Variants in METTL5 observed in about 807,000 individuals in gnomAD.
The protein encoded by METTL5 is rRNA N(6)-adenosine-methyltransferase METTL5.
Under a neutral mutation model 26.5 loss-of-function variants are expected in METTL5, and 28 were observed. That is an observed-to-expected ratio of 1.06 (90% CI 0.78 to 1.45). The LOEUF is 1.45. METTL5 is among the 40% of genes most tolerant of loss of function. METTL5 has a pLI of 0.00. For missense variants in METTL5, 231 were observed against 249.9 expected (o/e 0.92, Z 0.51); for synonymous variants, 86 against 82.6 (o/e 1.04, Z -0.22).
chr2:169,818,630 T>TTA (rs2081542186), intron 4 of METTL5, among the ~76,000 whole-genome samples: 1 of 152,264 alleles, frequency 6.6e-6, no homozygotes, highest in Non-Finnish European at 1.5e-5. Flanking sequence ...TTTTAAAAGG[T>TTA]TATCACATTA....
At chr2:169,820,606 A>G (rs1481154040) in intron 3 of METTL5, among the ~76,000 whole-genome samples, 1 of 152,258 alleles carries the variant, frequency 6.6e-6, no homozygotes, top group Non-Finnish European at 1.5e-5. Flanking sequence ...AACTATACAA[A>G]TAAGAGATTG....
chr2:169,814,774 A>G (rs916171662), intron 5 of METTL5, among the ~76,000 whole-genome samples: 2 of 151,824 alleles, frequency 1.3e-5, no homozygotes, highest in Admixed American at 1.3e-4. Flanking sequence ...ACGGGGTTTC[A>G]CCATGTTAGC....
intron 4 of METTL5, among the ~76,000 whole-genome samples, chr2:169,818,001 G>T (rs1400637663): frequency 4.6e-5 from 7 of 152,162 alleles, no homozygotes; most frequent in Non-Finnish European, 1.0e-4. Flanking sequence ...GCTTAGTTTG[G>T]CCCTTGTCTG....
chr2:169,824,453 G>A (rs374750455), intron 1 of METTL5, 36 bp downstream of exon 1: 3 of 1,460,190 alleles, frequency 2.1e-6, no homozygotes, highest in Non-Finnish European at 2.9e-6. Context: ...CTGGACTAAC[G>A]CCGAAAGCCG....
At chr2:169,824,437 A>T in intron 1 of METTL5, 52 bp downstream of exon 1, 1 of 1,292,840 alleles carries the variant, frequency 7.7e-7, no homozygotes, top group Non-Finnish European at 1.1e-6. Flanking sequence ...TTTATCACAG[A>T]GTAGACTGGA....
rs1464464993 is a variant in METTL5 at position 169,824,651 on chromosome 2, A to C, written c.-54T>G. 1.5e-6 allele frequency: 2 copies of C among 1,364,840 alleles called. No individual in the cohort carries two copies. Among genetic ancestry groups the C allele is most frequent in the African/African-American group, 1.4e-5 (1 of 69,828 alleles). 84.5% of individuals were successfully genotyped at this position (1,364,840 alleles called of 1,614,324 possible). ...TTGAAGGCACAGGATCTGCGGAGAAATCTATTGAACTGGGATCTTGTTTCC... is the reference window on the plus strand; with the variant it reads ...TTGAAGGCACAGGATCTGCGGAGAACTCTATTGAACTGGGATCTTGTTTCC... On this transcript the variant is annotated 5_prime_UTR_variant, in exon 1 of 7. Transcript: ENST00000260953.
chr2:169,824,256 G>A (rs1447888994), intron 1 of METTL5: 3 of 428,262 alleles, frequency 7.0e-6, no homozygotes, highest in East Asian at 7.4e-5. Flanking sequence ...TTAAAAAGAT[G>A]TCTGGCAGTG....
rs764960826 is a variant in METTL5, at chr2:169,815,538, A to C, written c.490-10T>G. 1.9e-6 allele frequency: 3 copies of C among 1,581,398 alleles called. No individual in the cohort carries two copies. The highest frequency in any genetic ancestry group is 3.4e-5 in the Admixed American group (2 of 58,154). ...CTTTCTTTTGAACATGCTGAACATA[A>C]ATAATATGTTGTTATGAGCTGATTT... On this transcript the variant is annotated splice_polypyrimidine_tract_variant and intron_variant, in intron 4 of 6. Coordinates refer to ENST00000260953, the MANE Select transcript of METTL5 (RefSeq NM_014168.4).
intron 3 of METTL5, 96 bp downstream of exon 3, chr2:169,820,996 C>G: frequency 9.7e-7 from 1 of 1,030,512 alleles, no homozygotes; most frequent in Non-Finnish European, 1.4e-6. Context: ...TCGCAAAGCA[C>G]TGGCATTACA....
At chr2:169,813,421 G>A (rs1477834261) in intron 5 of METTL5, among the ~76,000 whole-genome samples, 3 of 150,994 alleles carry the variant, frequency 2.0e-5, no homozygotes, top group Non-Finnish European at 4.4e-5. Flanking sequence ...CAGCCACCAC[G>A]CCCGGCCTGA....
At chr2:169,820,276 T>C (rs2105720368) in intron 3 of METTL5, among the ~76,000 whole-genome samples, 1 of 152,294 alleles carries the variant, frequency 6.6e-6, no homozygotes, top group South Asian at 2.1e-4. Context: ...TGTCTTTTCC[T>C]ACCCTCACTG....
In METTL5 at chr2:169,824,823, C is replaced by A. The variant is rs899059403; in HGVS notation, c.-226G>T. 8.7e-6 allele frequency: 4 copies of A among 459,008 alleles called. No individual in the cohort carries two copies. The highest frequency in any genetic ancestry group is 1.2e-5 in the Non-Finnish European group (3 of 250,164). 28.4% of individuals were successfully genotyped at this position (459,008 alleles called of 1,614,324 possible). On this transcript the variant is annotated 5_prime_UTR_variant, in exon 1 of 7. Transcript: ENST00000260953. Reference sequence around the variant, plus strand: ...GCCGCCCCAGGAGACGGCGGCGGCGCACTGCTGGAGCAGCCTCAGGATCCC... The same window carrying A: ...GCCGCCCCAGGAGACGGCGGCGGCGAACTGCTGGAGCAGCCTCAGGATCCC...
chr2:169,822,912 C>G (rs140775832), intron 1 of METTL5, among the ~76,000 whole-genome samples: 1 of 152,224 alleles, frequency 6.6e-6, no homozygotes, highest in African/African-American at 2.4e-5. Context: ...AATACCACCA[C>G]CACCGATATT....
At chr2:169,816,739 G>C in intron 4 of METTL5, among the ~76,000 whole-genome samples, 1 of 152,180 alleles carries the variant, frequency 6.6e-6, no homozygotes, top group Non-Finnish European at 1.5e-5. Flanking sequence ...AAACTGGCTA[G>C]CCATATGCAG....
intron 5 of METTL5, among the ~76,000 whole-genome samples, chr2:169,815,177 G>A (rs1690102696): frequency 6.6e-6 from 1 of 152,210 alleles, no homozygotes; most frequent in Non-Finnish European, 1.5e-5. Context: ...ACAGGCGTGA[G>A]CCACCACACC....
At position 169,815,518 on chromosome 2, in the gene METTL5, T is replaced by C. The variant is rs1212448881; in HGVS notation, c.500A>G (p.Lys167Arg). The change falls in exon 5 of 7, where the codon AAG becomes AGG. Residue 167 changes from lysine (K) to arginine (R), a missense_variant. By Grantham distance (26) the Lys-to-Arg change is conservative. Coordinates refer to ENST00000260953, the MANE Select transcript of METTL5 (RefSeq NM_014168.4). ...HKSSTREHVQ[K>R]KAAEWKIKID... ...CTTGATTTTCCATTCTGCAGCTTTC[T>C]TTTGAACATGCTGAACATAAATAAT... 6.2e-7 allele frequency: 1 copy of C among 1,601,166 alleles called. No homozygotes were observed. The highest frequency in any genetic ancestry group is 1.3e-5 in the African/African-American group (1 of 74,664).
rs773072853 is a variant in METTL5 at position 169,821,090 on chromosome 2, A to G, written c.406+2T>C. ...CCAATATACCCGATTCTTGTTACAAACCTTTATTATTTTTGGTCCCAAAGG... is the reference window on the plus strand; with the variant it reads ...CCAATATACCCGATTCTTGTTACAAGCCTTTATTATTTTTGGTCCCAAAGG... On this transcript the variant is annotated splice_donor_variant, in intron 3 of 6. Coordinates refer to ENST00000260953, the MANE Select transcript of METTL5 (RefSeq NM_014168.4). LOFTEE classifies it high-confidence loss of function. 6.3e-7 allele frequency: 1 copy of G among 1,575,314 alleles called. No individual in the cohort carries two copies. The highest frequency in any genetic ancestry group is 1.2e-5 in the South Asian group (1 of 83,888).
intron 1 of METTL5, 33 bp from the exon 2 acceptor site, chr2:169,822,090 A>G: frequency 6.4e-7 from 1 of 1,570,448 alleles, no homozygotes; most frequent in South Asian, 1.2e-5. Context: ...ATAAGTAAGC[A>G]AGCCGGTGAC....
At chr2:169,824,282 A>G in intron 1 of METTL5, 1 of 521,586 alleles carries the variant, frequency 1.9e-6, no homozygotes, top group East Asian at 3.0e-5. Context: ...GGATATGCAG[A>G]AAACTAGACA....
Sources: allele counts gnomAD v4.1 joint callset (sites outside exome capture counted in the v4.1 genomes callset), GRCh38; gene constraint gnomAD v4.1.1; transcripts MANE v1.5; gene names NCBI Gene and HGNC (gene_info 2026-07-23, HGNC 2026-07-21).